The following NRXN1 variants were observed in gnomAD, a reference collection of about 807,000 sequenced individuals.
NRXN1 encodes the protein neurexin 1, also known as neurexin-1.
NRXN1 carries 39 observed loss-of-function variants against 150.9 expected under a neutral mutation model. The observed-to-expected ratio is 0.26, with a 90% CI of 0.20 to 0.34. NRXN1 has a LOEUF of 0.34. NRXN1 is among the 10% of genes least tolerant of loss of function. The pLI, the probability that NRXN1 is intolerant of heterozygous loss-of-function variation, is 1.00. For synonymous variants in NRXN1, 924 were observed against 757.0 expected (o/e 1.22, Z -3.62); for missense variants, 1,815 against 1,949.9 (o/e 0.93, Z 1.30).
chr2:50,402,985 G>A (rs1314641322), intron 17 of NRXN1, among the ~76,000 whole-genome samples: 1 of 152,122 alleles, frequency 6.6e-6, no homozygotes, highest in African/African-American at 2.4e-5. Context: ...AAATATTAAT[G>A]TAAGGGTGCG....
intron 15 of NRXN1, among the ~76,000 whole-genome samples, chr2:50,490,461 C>A (rs1351345512): frequency 1.3e-5 from 2 of 152,160 alleles, no homozygotes; most frequent in Non-Finnish European, 2.9e-5. Flanking sequence ...GTGAGCCTAG[C>A]CAGTAGCAGC....
chr2:49,996,160 G>C (rs1458744021), intron 21 of NRXN1, among the ~76,000 whole-genome samples: 1 of 152,140 alleles, frequency 6.6e-6, no homozygotes, highest in African/African-American at 2.4e-5. Context: ...TTGTGTGTGA[G>C]AGTCATGAGA....
rs374610487 is a variant in NRXN1 at position 50,813,336 on chromosome 2, AAATT to A, written c.832+108529_832+108532del. ...GATCTCCATCAAAATAAACATAAGTAAATTAATTCTTTATCTTTACTTTTGCACT... is the reference window on the plus strand; with the variant it reads ...GATCTCCATCAAAATAAACATAAGTAAATTCTTTATCTTTACTTTTGCACT... On this transcript the variant is annotated intron_variant, in intron 5 of 22. Transcript: ENST00000401669. Among the ~76,000 whole-genome samples the A allele has an allele frequency of 7.6e-4, 115 of 152,308 alleles. No homozygotes were observed. The Middle Eastern group carries it at 0.017, about 23-fold the overall frequency.
chr2:50,460,283 G>A (rs936372455), intron 17 of NRXN1, among the ~76,000 whole-genome samples: 1 of 152,052 alleles, frequency 6.6e-6, no homozygotes, highest in Non-Finnish European at 1.5e-5. Flanking sequence ...CATACTAGCA[G>A]GAAAATCCAT....
intron 17 of NRXN1, among the ~76,000 whole-genome samples, chr2:50,438,764 C>A (rs1373641601): frequency 6.6e-6 from 1 of 152,052 alleles, no homozygotes; most frequent in Non-Finnish European, 1.5e-5. Context: ...AATGCTTCTC[C>A]CCAGGGGCAT....
chr2:50,812,536 T>C (rs1280660477), intron 5 of NRXN1, among the ~76,000 whole-genome samples: 3 of 152,238 alleles, frequency 2.0e-5, no homozygotes, highest in East Asian at 1.9e-4. Flanking sequence ...TACAAACATA[T>C]TGATAGATGT....
chr2:50,185,544 G>A (rs1297964709), intron 18 of NRXN1: 1 of 152,026 alleles, frequency 6.6e-6, no homozygotes, highest in Non-Finnish European at 1.5e-5. Flanking sequence ...CATGATACCT[G>A]AAGCCTCAGA....
At chr2:50,784,762 AAG>A (rs1177534182) in intron 5 of NRXN1, among the ~76,000 whole-genome samples, 3 of 152,058 alleles carry the variant, frequency 2.0e-5, no homozygotes, top group African/African-American at 7.2e-5. Context: ...GAGCTAATGA[AAG>A]AGACAGTTTC....
intron 17 of NRXN1, among the ~76,000 whole-genome samples, chr2:50,273,054 C>T (rs958876863): frequency 6.6e-6 from 1 of 152,028 alleles, no homozygotes; most frequent in Non-Finnish European, 1.5e-5. Flanking sequence ...TGGCTCTAAA[C>T]ATACAAAAAC....
At chr2:50,641,766 TA>T (rs1177869391) in intron 5 of NRXN1, among the ~76,000 whole-genome samples, 1 of 152,098 alleles carries the variant, frequency 6.6e-6, no homozygotes, top group East Asian at 1.9e-4. Context: ...CTCAAGGTCA[TA>T]AATCTTGGCT....
intron 16 of NRXN1, among the ~76,000 whole-genome samples, chr2:50,468,874 T>C (rs1416219658): frequency 3.3e-5 from 5 of 151,606 alleles, no homozygotes; most frequent in Non-Finnish European, 7.4e-5. Context: ...TAATCAATGA[T>C]AGCTGTCACG....
At chr2:50,322,958 T>A (rs1043222264) in intron 17 of NRXN1, among the ~76,000 whole-genome samples, 1 of 152,196 alleles carries the variant, frequency 6.6e-6, no homozygotes. Context: ...TAACTATGAT[T>A]TTGAAAAGTT....
At chr2:50,990,911 T>C (rs1348996459) in intron 2 of NRXN1, among the ~76,000 whole-genome samples, 1 of 151,978 alleles carries the variant, frequency 6.6e-6, no homozygotes, top group Non-Finnish European at 1.5e-5. Context: ...GAGCAAAGAA[T>C]AAAAGGAAAA....
chr2:50,155,361 G>A (rs1032880015), intron 18 of NRXN1, among the ~76,000 whole-genome samples: 3 of 150,778 alleles, frequency 2.0e-5, no homozygotes, highest in African/African-American at 7.3e-5. Flanking sequence ...TTTTGCTTGG[G>A]GCCCTCAGGC....
At chr2:50,630,348 A>T (rs942474670) in intron 5 of NRXN1, among the ~76,000 whole-genome samples, 1 of 151,716 alleles carries the variant, frequency 6.6e-6, no homozygotes, top group African/African-American at 2.4e-5. Flanking sequence ...TACGGGAAAA[A>T]AAATGTTAAA....
chr2:50,567,694 C>T (rs533040140), intron 8 of NRXN1, among the ~76,000 whole-genome samples: 60 of 152,174 alleles, frequency 3.9e-4, no homozygotes, highest in African/African-American at 1.4e-3. Context: ...TTTATTAAAA[C>T]AAGTGCAAGT....
chr2:50,563,284 C>T (rs113421857), intron 8 of NRXN1, among the ~76,000 whole-genome samples: 4 of 152,262 alleles, frequency 2.6e-5, no homozygotes, highest in South Asian at 4.1e-4. Context: ...AAAGTTATAA[C>T]GCATAAATGA....
At chr2:50,774,391 T>C (rs1478952321) in intron 5 of NRXN1, among the ~76,000 whole-genome samples, 1 of 152,172 alleles carries the variant, frequency 6.6e-6, no homozygotes. Flanking sequence ...GTATACTCGA[T>C]ATTTCAGTTT....
chr2:50,920,836 A>G (rs1685925478), intron 5 of NRXN1, among the ~76,000 whole-genome samples: 1 of 151,826 alleles, frequency 6.6e-6, no homozygotes, highest in African/African-American at 2.4e-5. Flanking sequence ...AAGTATTCAA[A>G]CAGCATTTGT....
Sources: gnomAD v4.1 joint callset for allele counts (sites outside exome capture counted in the v4.1 genomes callset) on GRCh38, gnomAD v4.1.1 for gene constraint, MANE v1.5 for transcripts, NCBI Gene and HGNC (gene_info 2026-07-23, HGNC 2026-07-21) for gene names.